WDR72: variants seen among roughly 807,000 people sequenced by gnomAD.
The protein encoded by WDR72 is WD repeat-containing protein 72.
Under a neutral mutation model 124.2 loss-of-function variants are expected in WDR72, and 120 were observed. The observed-to-expected ratio is 0.97, with a 90% CI of 0.83 to 1.12. The LOEUF (loss-of-function observed/expected upper bound fraction) is 1.12, where lower values mean the gene tolerates loss of function less well. Ranked by LOEUF, WDR72 falls within the 50% of genes most tolerant of loss-of-function variation. WDR72 has a pLI of 0.00. For missense variants in WDR72, 1,387 were observed against 1,278.8 expected, an observed-to-expected ratio of 1.08 and a Z score of -1.29; for synonymous variants, 452 against 441.7, an observed-to-expected ratio of 1.02 and a Z score of -0.29.
At chr15:53,758,900 T>C (rs1259924049) in intron 1 of WDR72, among the ~76,000 whole-genome samples, 2 of 151,778 alleles carry the variant, frequency 1.3e-5, no homozygotes. Context: ...ATGGTATAAG[T>C]CAGCACCAGT....
chr15:53,655,227 T>C (rs2015375914), intron 14 of WDR72, among the ~76,000 whole-genome samples: 1 of 62,952 alleles, frequency 1.6e-5, no homozygotes, highest in Admixed American at 2.8e-4. Flanking sequence ...CAAGATGCCA[T>C]CTCAAAAAAA....
chr15:53,746,621 A>G (rs904045916), intron 1 of WDR72, among the ~76,000 whole-genome samples: 1 of 152,206 alleles, frequency 6.6e-6, no homozygotes, highest in Non-Finnish European at 1.5e-5. Context: ...GTGGAGAAGA[A>G]TCCCACCTAC....
At chr15:53,602,369 CAG>C (rs1420399974) in intron 17 of WDR72, among the ~76,000 whole-genome samples, 1 of 151,770 alleles carries the variant, frequency 6.6e-6, no homozygotes, top group Admixed American at 6.6e-5. Flanking sequence ...ACTAAATGCC[CAG>C]ATCAAAAAAC....
intron 3 of WDR72, among the ~76,000 whole-genome samples, chr15:53,718,581 A>G (rs2017778382): frequency 6.6e-6 from 1 of 152,128 alleles, no homozygotes; most frequent in East Asian, 1.9e-4. Flanking sequence ...GGTGTATGAA[A>G]TGGAACACTG....
chr15:53,611,831 C>T (rs2013552077), intron 16 of WDR72, among the ~76,000 whole-genome samples: 1 of 151,830 alleles, frequency 6.6e-6, no homozygotes, highest in Admixed American at 6.6e-5. Flanking sequence ...AAACCATTAA[C>T]ATAATTCTTG....
chr15:53,646,363 TCA>T (rs1282450763), intron 14 of WDR72, among the ~76,000 whole-genome samples: 1 of 152,092 alleles, frequency 6.6e-6, no homozygotes, highest in Non-Finnish European at 1.5e-5. Context: ...CTCTCAGCAA[TCA>T]ACTAAATTTC....
chr15:53,527,670 A>G (rs1337646350), intron 18 of WDR72, among the ~76,000 whole-genome samples: 2 of 151,964 alleles, frequency 1.3e-5, no homozygotes, highest in Non-Finnish European at 2.9e-5. Flanking sequence ...ATTAAAAGAT[A>G]GAGCAGTTTG....
chr15:53,540,339 G>C (rs1216563830), intron 18 of WDR72, among the ~76,000 whole-genome samples: 1 of 152,054 alleles, frequency 6.6e-6, no homozygotes, highest in Non-Finnish European at 1.5e-5. Context: ...TACCAAAACT[G>C]GCCACATCTT....
At chr15:53,663,407 C>T (rs2015673700) in intron 14 of WDR72, among the ~76,000 whole-genome samples, 1 of 151,916 alleles carries the variant, frequency 6.6e-6, no homozygotes, top group African/African-American at 2.4e-5. Context: ...TTGAAATCAG[C>T]CTATAAGTAG....
At chr15:53,602,888 G>T (rs549466790) in intron 17 of WDR72, among the ~76,000 whole-genome samples, 2 of 152,174 alleles carry the variant, frequency 1.3e-5, no homozygotes, top group South Asian at 2.1e-4. Flanking sequence ...CAGATTCACA[G>T]ATGAATTATA....
intron 7 of WDR72, 77 bp downstream of exon 7, chr15:53,712,695 C>A: frequency 7.4e-7 from 1 of 1,345,516 alleles, no homozygotes; most frequent in South Asian, 1.2e-5. Context: ...ATATTTAAAT[C>A]ATATTCTTAT....
chr15:53,591,926 C>G (rs998011535), intron 18 of WDR72, among the ~76,000 whole-genome samples: 1 of 152,034 alleles, frequency 6.6e-6, no homozygotes, highest in African/African-American at 2.4e-5. Context: ...AACAGGTACA[C>G]TTGAAACTGA....
chr15:53,719,695 G>A (rs7182659), intron 3 of WDR72, among the ~76,000 whole-genome samples: 7,775 of 152,180 alleles, frequency 0.051, 207 homozygotes, highest in African/African-American at 0.061. Flanking sequence ...AGCAGTACCC[G>A]CATAGTCTAG....
intron 16 of WDR72, 117 bp from the exon 17 acceptor site, chr15:53,609,709 C>T: frequency 1.2e-6 from 1 of 808,058 alleles, no homozygotes; most frequent in Admixed American, 2.0e-5. Context: ...AACACCAATG[C>T]CCAGGTTCAA....
intron 14 of WDR72, among the ~76,000 whole-genome samples, chr15:53,651,556 G>A (rs2015241032): frequency 6.6e-6 from 1 of 152,208 alleles, no homozygotes; most frequent in South Asian, 2.1e-4. Context: ...TGCAGACACA[G>A]TAATTCTTTG....
chr15:53,702,848 C>T (rs989103258), intron 11 of WDR72, among the ~76,000 whole-genome samples: 1 of 152,030 alleles, frequency 6.6e-6, no homozygotes, highest in Non-Finnish European at 1.5e-5. Flanking sequence ...AGAGTGAATA[C>T]TTCGTACATT....
chr15:53,521,509 C>CGATGTATA (rs1566939233), intron 19 of WDR72, among the ~76,000 whole-genome samples: 2 of 151,994 alleles, frequency 1.3e-5, no homozygotes, highest in African/African-American at 2.4e-5. Flanking sequence ...TAATGATGTC[C>CGATGTATA]GATGTATAGA....
Position 53,634,151 on chromosome 15 carries a change from C to T in WDR72, c.1963-17908G>A, listed in dbSNP as rs375908095. Among the ~76,000 whole-genome samples, 5 of 152,248 alleles carry T rather than the reference C, an allele frequency of 3.3e-5. No individual in the cohort carries two copies. In the East Asian group the frequency reaches 5.8e-4, roughly 18 times the overall value. On this transcript the variant is annotated intron_variant, in intron 14 of 19. Transcript: ENST00000360509. ...TAAAATATTTAAAACTGAGGTCCTC[C>T]CTCTTACAATTAAAATAACCTGGAC...
intron 1 of WDR72, among the ~76,000 whole-genome samples, chr15:53,756,968 A>G (rs2018925331): frequency 6.6e-6 from 1 of 152,224 alleles, no homozygotes; most frequent in Non-Finnish European, 1.5e-5. Flanking sequence ...CCCTACAGCA[A>G]TGATATCTAG....
Sources: allele counts gnomAD v4.1 joint callset (sites outside exome capture counted in the v4.1 genomes callset), GRCh38; gene constraint gnomAD v4.1.1; transcripts MANE v1.5; gene names NCBI Gene and HGNC (gene_info 2026-07-23, HGNC 2026-07-21).